The following SH3BGRL2 variants were observed in gnomAD, a reference collection of about 807,000 sequenced individuals.
SH3BGRL2 encodes the protein SH3 domain binding glutamate rich protein like 2.
A neutral mutation model predicts 14.8 loss-of-function variants in SH3BGRL2; 21 were observed. The ratio of observed to expected loss-of-function variants is 1.42; its 90% CI spans 1.01 to 2.05. SH3BGRL2 has a LOEUF of 2.05. Ranked by LOEUF, SH3BGRL2 falls within the 30% of genes most tolerant of loss-of-function variation. The pLI is 0.00. For missense variants in SH3BGRL2, 147 were observed against 130.8 expected, an observed-to-expected ratio of 1.12 and a Z score of -0.61; for synonymous variants, 50 against 47.8, an observed-to-expected ratio of 1.05 and a Z score of -0.19.
At chr6:79,566,912 A>G in the SH3BGRL2 span, among the ~76,000 whole-genome samples, 2 of 151,732 alleles carry the variant, frequency 1.3e-5, no homozygotes, top group Admixed American at 1.3e-4. Context: ...AAAAAAAAAA[A>G]AAGAAAGAAA....
chr6:79,631,577 C>A, intron 1 of SH3BGRL2, 71 bp downstream of exon 1: 11 of 1,220,636 alleles, frequency 9.0e-6, no homozygotes, highest in East Asian at 3.1e-5. Context: ...GCGCGGCGCT[C>A]GTCACTGCGC....
At chr6:79,549,286 G>A in the SH3BGRL2 span, among the ~76,000 whole-genome samples, 2 of 152,108 alleles carry the variant, frequency 1.3e-5, no homozygotes, top group African/African-American at 4.8e-5. Flanking sequence ...AAATTTCATA[G>A]GTAAGAGGAA....
intron 1 of SH3BGRL2, among the ~76,000 whole-genome samples, chr6:79,643,153 C>T (rs1769063880): frequency 6.6e-6 from 1 of 152,216 alleles, no homozygotes; most frequent in Non-Finnish European, 1.5e-5. Context: ...ATTTCTTATA[C>T]TCATTTTACA....
At chr6:79,601,186 GA>G in the SH3BGRL2 span, among the ~76,000 whole-genome samples, 1 of 152,140 alleles carries the variant, frequency 6.6e-6, no homozygotes, top group African/African-American at 2.4e-5. Flanking sequence ...ACCACAGACG[GA>G]AGGAATGTTT....
chr6:79,579,432 C>A, the SH3BGRL2 span, among the ~76,000 whole-genome samples: 3 of 152,222 alleles, frequency 2.0e-5, no homozygotes, highest in African/African-American at 7.2e-5. Flanking sequence ...GGAAGCCTAT[C>A]AAGCTAGCAG....
At chr6:79,609,793 A>T in the SH3BGRL2 span, among the ~76,000 whole-genome samples, 2 of 152,190 alleles carry the variant, frequency 1.3e-5, no homozygotes, top group East Asian at 3.8e-4. Flanking sequence ...AGACAGTCAT[A>T]TTTTTAACTA....
At chr6:79,576,164 T>A in the SH3BGRL2 span, among the ~76,000 whole-genome samples, 1 of 152,162 alleles carries the variant, frequency 6.6e-6, no homozygotes, top group Non-Finnish European at 1.5e-5. Flanking sequence ...GATTACATAT[T>A]TTTATTAAAA....
At chr6:79,692,338 T>C (rs1315755433) in intron 2 of SH3BGRL2, among the ~76,000 whole-genome samples, 1 of 152,222 alleles carries the variant, frequency 6.6e-6, no homozygotes, top group Non-Finnish European at 1.5e-5. Flanking sequence ...TTTCTTTTGC[T>C]GTGCAGAAGC....
At chr6:79,630,131 T>C (rs990139487), upstream of SH3BGRL2, among the ~76,000 whole-genome samples, 4 of 152,210 alleles carry the variant, frequency 2.6e-5, no homozygotes, top group African/African-American at 9.7e-5. Flanking sequence ...TAGGAGTGTC[T>C]CTTCTATTAT....
chr6:79,571,957 A>G, the SH3BGRL2 span, among the ~76,000 whole-genome samples: 1 of 152,206 alleles, frequency 6.6e-6, no homozygotes, highest in Non-Finnish European at 1.5e-5. Flanking sequence ...AAAGTTGCAG[A>G]ATACAGAGAA....
Position 79,678,955 on chromosome 6 carries a change from T to G in SH3BGRL2, c.231+5156T>G, listed in dbSNP as rs146768322. Reference sequence around the variant, plus strand: ...TGCTGCAGAAGACATGAGTTTATTCTTTTTTTAAGGCTGCATAGTATTCCA... The same window carrying G: ...TGCTGCAGAAGACATGAGTTTATTCGTTTTTTAAGGCTGCATAGTATTCCA... On this transcript the variant is annotated intron_variant, in intron 2 of 3. Transcript: ENST00000369838. Among the ~76,000 whole-genome samples, 134 of 152,274 alleles carry G rather than the reference T, an allele frequency of 8.8e-4. 3 individuals carry two copies. The East Asian group carries it at 0.019, about 22-fold the overall frequency.
chr6:79,577,238 A>C, the SH3BGRL2 span, among the ~76,000 whole-genome samples: 1 of 152,224 alleles, frequency 6.6e-6, no homozygotes, highest in Non-Finnish European at 1.5e-5. Flanking sequence ...CTATACGTTT[A>C]GCCTTATGCC....
chr6:79,657,931 T>A (rs1428169253), intron 1 of SH3BGRL2, among the ~76,000 whole-genome samples: 2 of 152,196 alleles, frequency 1.3e-5, no homozygotes, highest in Admixed American at 1.3e-4. Context: ...AAAATACAGT[T>A]CCCAGTTGGA....
the SH3BGRL2 span, among the ~76,000 whole-genome samples, chr6:79,580,878 T>C: frequency 6.6e-6 from 1 of 151,802 alleles, no homozygotes; most frequent in South Asian, 2.1e-4. Flanking sequence ...TCAACAAAAT[T>C]GATAGACCGC....
the SH3BGRL2 span, among the ~76,000 whole-genome samples, chr6:79,583,628 TAA>T: frequency 6.6e-6 from 1 of 151,818 alleles, no homozygotes; most frequent in Non-Finnish European, 1.5e-5. Flanking sequence ...CCAGGGCCTG[TAA>T]GGGGGTGGGG....
the SH3BGRL2 span, among the ~76,000 whole-genome samples, chr6:79,595,645 T>G: frequency 2.6e-5 from 4 of 152,178 alleles, no homozygotes; most frequent in African/African-American, 9.6e-5. Context: ...ATAAAAACTC[T>G]CAATCAACTA....
chr6:79,605,104 T>G, the SH3BGRL2 span, among the ~76,000 whole-genome samples: 3 of 152,184 alleles, frequency 2.0e-5, no homozygotes. Flanking sequence ...GTCTTATGGC[T>G]TCTGCTTAAA....
At chr6:79,664,329 C>T (rs1427357007) in intron 1 of SH3BGRL2, among the ~76,000 whole-genome samples, 5 of 152,212 alleles carry the variant, frequency 3.3e-5, no homozygotes, top group Non-Finnish European at 5.9e-5. Flanking sequence ...TAATGTTTAG[C>T]TCTTTTTGCA....
chr6:79,678,401 CA>C (rs375411036), intron 2 of SH3BGRL2, among the ~76,000 whole-genome samples: 530 of 152,214 alleles, frequency 3.5e-3, no homozygotes, highest in Non-Finnish European at 6.1e-3. Context: ...TGTTTTTTTG[CA>C]ACTGGCTTCT....
Sources: allele counts gnomAD v4.1 joint callset (sites outside exome capture counted in the v4.1 genomes callset), GRCh38; gene constraint gnomAD v4.1.1; transcripts MANE v1.5; gene names NCBI Gene and HGNC (gene_info 2026-07-23, HGNC 2026-07-21).